PCDHA7: variants seen among roughly 807,000 people sequenced by gnomAD.
PCDHA7 encodes protocadherin alpha-7.
PCDHA7 carries 37 observed loss-of-function variants against 57.2 expected under a neutral mutation model. The ratio of observed to expected loss-of-function variants is 0.65; its 90% CI spans 0.50 to 0.85. The LOEUF (loss-of-function observed/expected upper bound fraction) is 0.85, where lower values mean the gene tolerates loss of function less well. Among genes scored for constraint, PCDHA7 ranks in the 40% least tolerant of loss-of-function variants. The probability of loss-of-function intolerance (pLI) is 0.00; values close to 1 mark genes in which losing one functional copy is unlikely to be tolerated. For missense variants in PCDHA7, 1,188 were observed against 1,241.8 expected (o/e 0.96, Z 0.65); for synonymous variants, 553 against 558.8 (o/e 0.99, Z 0.15).
chr5:140,882,226 G>T, intron 1 of PCDHA7: 1 of 1,564,150 alleles, frequency 6.4e-7, no homozygotes, highest in Admixed American at 1.9e-5. Context: ...GAGGTAAGGC[G>T]TTGTATATAT....
At chr5:140,990,821 G>T (rs890499969) in intron 3 of PCDHA7, among the ~76,000 whole-genome samples, 1 of 152,172 alleles carries the variant, frequency 6.6e-6, no homozygotes, top group East Asian at 1.9e-4. Flanking sequence ...CCTTCTCTCA[G>T]CTAAAGCCTA....
rs199571672 is a variant in PCDHA7 at position 140,994,794 on chromosome 5, T to C, written c.2503+12231T>C. On this transcript the variant is annotated intron_variant, in intron 3 of 3. Transcript: ENST00000525929. The stretch of plus-strand genomic sequence containing the variant: ...CCAGGCAAAGGAAACAATGCGTGCA[T>C]GCAAAAACAAAATACAAAAAACTGA... Among the ~76,000 whole-genome samples the C allele has an allele frequency of 7.2e-5, 11 of 152,270 alleles. No individual in the cohort carries two copies. The East Asian group carries it at 2.1e-3, about 29-fold the overall frequency.
At position 140,834,636 on chromosome 5, in the gene PCDHA7, T is replaced by A; in HGVS notation, c.253T>A (p.Phe85Ile). ...GGTAAATCTGCAGAATGGCATTTTGTTTGTGAATTCTCGGATCGACCGCGA... is the reference window on the plus strand; with the variant it reads ...GGTAAATCTGCAGAATGGCATTTTGATTGTGAATTCTCGGATCGACCGCGA... Reference protein sequence around the residue: ...LEVNLQNGILFVNSRIDREEL... With the variant: ...LEVNLQNGILIVNSRIDREEL... Residue 85 changes from phenylalanine to isoleucine, a missense_variant, in exon 1 of 4, where the codon TTT (phenylalanine) becomes ATT (isoleucine). Physicochemically the swap from Phe to Ile is conservative, Grantham distance 21. Around this residue, in one of 3 missense-constraint regions of PCDHA7, gnomAD observed 194 missense variants for 185.8 expected, o/e 1.04. Transcript: ENST00000525929. The A allele has an allele frequency of 1.9e-6, 3 of 1,614,182 alleles. No individual in the cohort carries two copies. Among genetic ancestry groups the A allele is most frequent in the Non-Finnish European group, 2.5e-6 (3 of 1,180,018 alleles).
Position 140,855,527 on chromosome 5 carries a change from G to C in PCDHA7, c.2355+18789G>C, listed in dbSNP as rs1017117704. ...TTAAATCTCAAAATAATGAGAAAGA[G>C]AAGTAAGTTAAGTGTCAGAACTTAA... On this transcript the variant is annotated intron_variant, in intron 1 of 3. Coordinates refer to ENST00000525929, the MANE Select transcript of PCDHA7 (RefSeq NM_018910.3). 1.3e-5 allele frequency among the ~76,000 whole-genome samples: 2 copies of C among 149,890 alleles called. 1 individual carries two copies. The highest frequency in any genetic ancestry group is 4.9e-5 in the African/African-American group (2 of 40,842).
intron 3 of PCDHA7, among the ~76,000 whole-genome samples, chr5:140,993,224 G>A (rs547665525): frequency 6.6e-6 from 1 of 152,210 alleles, no homozygotes; most frequent in East Asian, 1.9e-4. Context: ...TTTTTGGTAT[G>A]TTCTCTCTGA....
chr5:140,837,460 G>A (rs2150141340), intron 1 of PCDHA7, among the ~76,000 whole-genome samples: 1 of 151,718 alleles, frequency 6.6e-6, no homozygotes, highest in East Asian at 1.9e-4. Context: ...AAATCTCCTT[G>A]CCTCCTCAAA....
chr5:140,869,945 T>C lies in PCDHA7; in HGVS notation c.2355+33207T>C, dbSNP rs528075021. On this transcript the variant is annotated intron_variant, in intron 1 of 3. Transcript: ENST00000525929. ...GTCAATGGAGAGGTAACATACTCCTTAATGTCAATTAAGCCCAATGGAAGA... is the reference window on the plus strand; with the variant it reads ...GTCAATGGAGAGGTAACATACTCCTCAATGTCAATTAAGCCCAATGGAAGA... 8 of 1,612,376 alleles carry C rather than the reference T, an allele frequency of 5.0e-6. No individual in the cohort carries two copies. The African/African-American group carries it at 8.0e-5, about 16-fold the overall frequency.
At position 140,836,558 on chromosome 5, in the gene PCDHA7, GC is replaced by G. The variant is rs1274646840; in HGVS notation, c.2177del (p.Pro726ArgfsTer10). ...TGTACACGGCGTTGCGGTGCTCAGC[GC>G]CGTCCTCTGAGGGCGCATGTAGTTT... ...LLYTALRCSA[P>X]SSEGACSLVK... is the part of the protein sequence containing the mutation. On this transcript the variant is annotated frameshift_variant, in exon 1 of 4. Coordinates refer to ENST00000525929, the MANE Select transcript of PCDHA7 (RefSeq NM_018910.3). LOFTEE classifies it high-confidence loss of function. 4.3e-6 allele frequency: 7 copies of G among 1,613,642 alleles called. No individual in the cohort carries two copies. Among genetic ancestry groups the G allele is most frequent in the Non-Finnish European group, 5.9e-6 (7 of 1,179,856 alleles).
intron 1 of PCDHA7, chr5:140,877,544 C>A (rs782624202): frequency 6.2e-7 from 1 of 1,613,676 alleles, no homozygotes; most frequent in African/African-American, 1.3e-5. Context: ...GATCCCGAAG[C>A]GGCTCTGGTG....
At chr5:140,987,045 C>G (rs1344958949) in intron 3 of PCDHA7, among the ~76,000 whole-genome samples, 1 of 151,982 alleles carries the variant, frequency 6.6e-6, no homozygotes, top group Non-Finnish European at 1.5e-5. Flanking sequence ...GAAACCCCAT[C>G]TCTACTAAAG....
chr5:140,931,395 C>T lies in PCDHA7; in HGVS notation c.2356-47554C>T, dbSNP rs141099105. Among the ~76,000 whole-genome samples the T allele has an allele frequency of 5.8e-3, 884 of 151,620 alleles. 4 individuals carry two copies. The highest frequency in any genetic ancestry group is 0.021 in the African/African-American group (851 of 41,384). ...AGACTAGAAAGGAAACATAAGTAAG[C>T]GATAGGAAGGCTGATGAATCTAGAA... On this transcript the variant is annotated intron_variant, in intron 1 of 3. Coordinates refer to ENST00000525929, the MANE Select transcript of PCDHA7 (RefSeq NM_018910.3).
chr5:140,966,190 C>G (rs1251814900), intron 1 of PCDHA7: 1 of 203,228 alleles, frequency 4.9e-6, no homozygotes, highest in Non-Finnish European at 9.7e-6. Context: ...AGCCAGACTT[C>G]TAGGGGCTTG....
At position 140,836,647 on chromosome 5, in the gene PCDHA7, G is replaced by A. The variant is rs2150266694; in HGVS notation, c.2264G>A (p.Arg755Gln). ...AGCTGGTCATTCTCCCAGCAGAGGC[G>A]GCAGAGGGTGTGCTCTGGGGAGGGC... The part of the protein sequence containing the change: ...VGSWSFSQQR[R>Q]QRVCSGEGPP... The change falls in exon 1 of 4, where the codon CGG (arginine) becomes CAG (glutamine). Residue 755 changes from arginine to glutamine, a missense_variant. By Grantham distance (43) the Arg-to-Gln change is conservative (BLOSUM62 1). Coordinates refer to ENST00000525929, the MANE Select transcript of PCDHA7 (RefSeq NM_018910.3). 3 of 1,613,346 alleles carry A rather than the reference G, an allele frequency of 1.9e-6. No individual in the cohort carries two copies. The highest frequency in any genetic ancestry group is 2.2e-5 in the South Asian group (2 of 91,068).
chr5:140,873,534 T>C (rs1274405604), intron 1 of PCDHA7, among the ~76,000 whole-genome samples: 1 of 152,184 alleles, frequency 6.6e-6, no homozygotes, highest in Non-Finnish European at 1.5e-5. Context: ...CATTCTATGG[T>C]ATAAAATTAT....
chr5:140,853,924 T>G, intron 1 of PCDHA7: 1 of 905,060 alleles, frequency 1.1e-6, no homozygotes, highest in Non-Finnish European at 1.3e-6. Flanking sequence ...ATCCCAACAT[T>G]TTGGGAGGCC....
intron 1 of PCDHA7, among the ~76,000 whole-genome samples, chr5:140,923,066 C>G (rs1050883797): frequency 6.6e-6 from 1 of 152,198 alleles, no homozygotes; most frequent in African/African-American, 2.4e-5. Flanking sequence ...AGAGCTAGGT[C>G]TCCTCATGTC....
intron 1 of PCDHA7, chr5:140,849,920 C>T (rs2041223801): frequency 6.3e-7 from 1 of 1,598,270 alleles, no homozygotes; most frequent in Non-Finnish European, 8.6e-7. Flanking sequence ...GCCACATCTT[C>T]ACGGTGTCTG....
intron 1 of PCDHA7, among the ~76,000 whole-genome samples, chr5:140,914,012 G>A (rs2153528687): frequency 6.6e-6 from 1 of 152,234 alleles, no homozygotes; most frequent in Admixed American, 6.5e-5. Context: ...CTATCTTTGA[G>A]AATGATCCAC....
chr5:140,857,728 C>T lies in PCDHA7; in HGVS notation c.2355+20990C>T, dbSNP rs781841380. ...TGTTCGTGCTGGACGAGAACGACAACGCTCCCGCGCTGCTGGCGTCTCCCG... is the reference window on the plus strand; with the variant it reads ...TGTTCGTGCTGGACGAGAACGACAATGCTCCCGCGCTGCTGGCGTCTCCCG... On this transcript the variant is annotated intron_variant, in intron 1 of 3. Transcript: ENST00000525929. 5.6e-6 allele frequency: 9 copies of T among 1,597,306 alleles called. 1 individual carries two copies. Among genetic ancestry groups the T allele is most frequent in the Non-Finnish European group, 5.1e-6 (6 of 1,167,718 alleles).
Sources: gnomAD v4.1 joint callset for allele counts (sites outside exome capture counted in the v4.1 genomes callset) on GRCh38, gnomAD v4.1.1 for gene constraint, gnomAD v4.1.1 regional missense constraint, MANE v1.5 for transcripts, NCBI Gene and HGNC (gene_info 2026-07-23, HGNC 2026-07-21) for gene names.